STYK1: variants seen among roughly 807,000 people sequenced by gnomAD.
STYK1 encodes STY kinase 1, also known as tyrosine-protein kinase STYK1.
STYK1 carries 46 observed loss-of-function variants against 48.1 expected under a neutral mutation model. The observed-to-expected ratio is 0.96, with a 90% CI of 0.75 to 1.22. The LOEUF (loss-of-function observed/expected upper bound fraction) is 1.22, where lower values mean the gene tolerates loss of function less well. Ranked by LOEUF, STYK1 falls within the 50% of genes most tolerant of loss-of-function variation. The pLI is 0.00. For synonymous variants in STYK1, 188 were observed against 189.0 expected, an observed-to-expected ratio of 0.99 and a Z score of 0.04; for missense variants, 527 against 521.1, an observed-to-expected ratio of 1.01 and a Z score of -0.11.
intron 4 of STYK1, among the ~76,000 whole-genome samples, chr12:10,632,812 G>A (rs976655804): frequency 4.6e-5 from 7 of 152,176 alleles, no homozygotes; most frequent in Non-Finnish European, 8.8e-5. Context: ...GTTTGAGACT[G>A]AAAACACAGT....
At chr12:10,625,418 C>T (rs1947347471) in intron 7 of STYK1, among the ~76,000 whole-genome samples, 1 of 152,074 alleles carries the variant, frequency 6.6e-6, no homozygotes, top group Non-Finnish European at 1.5e-5. Context: ...GGGGTTTCAC[C>T]ATGTTAGCCA....
intron 1 of STYK1, among the ~76,000 whole-genome samples, chr12:10,654,572 G>T (rs1947697773): frequency 6.6e-6 from 1 of 152,170 alleles, no homozygotes; most frequent in African/African-American, 2.4e-5. Context: ...GGTATGTTTT[G>T]CCCAGGTAAA....
chr12:10,655,779 T>C (rs1448629919), intron 1 of STYK1, among the ~76,000 whole-genome samples: 2 of 152,094 alleles, frequency 1.3e-5, no homozygotes, highest in Non-Finnish European at 1.5e-5. Flanking sequence ...GCCAGAAAAA[T>C]GGATTGTGTG....
At chr12:10,621,500 C>A (rs1303095592) in intron 10 of STYK1, among the ~76,000 whole-genome samples, 1 of 152,176 alleles carries the variant, frequency 6.6e-6, no homozygotes, top group Non-Finnish European at 1.5e-5. Flanking sequence ...CTGTGGCTGG[C>A]AGAAGACTGA....
chr12:10,635,626 A>G (rs1227529149), intron 2 of STYK1, among the ~76,000 whole-genome samples: 1 of 152,232 alleles, frequency 6.6e-6, no homozygotes, highest in Non-Finnish European at 1.5e-5. Flanking sequence ...GTAAAATTGT[A>G]TAGCATAAAA....
intron 9 of STYK1, 60 bp downstream of exon 9, chr12:10,622,578 T>C (rs1437304772): frequency 6.2e-7 from 1 of 1,601,664 alleles, no homozygotes; most frequent in East Asian, 2.2e-5. Flanking sequence ...ATCCACCCCT[T>C]AAATAAACAC....
intron 1 of STYK1, among the ~76,000 whole-genome samples, chr12:10,651,513 T>G (rs1455173175): frequency 6.6e-6 from 1 of 152,248 alleles, no homozygotes; most frequent in Non-Finnish European, 1.5e-5. Context: ...CAATTTTACA[T>G]GATAATGCAC....
At chr12:10,662,863 T>A (rs1463392124) in intron 1 of STYK1, among the ~76,000 whole-genome samples, 2 of 152,232 alleles carry the variant, frequency 1.3e-5, no homozygotes, top group Non-Finnish European at 2.9e-5. Flanking sequence ...ATTTTGACAG[T>A]TTTGTGTTTG....
At chr12:10,670,995 A>T (rs375946848) in intron 1 of STYK1, among the ~76,000 whole-genome samples, 13 of 110,466 alleles carry the variant, frequency 1.2e-4, no homozygotes, top group East Asian at 2.7e-4. Context: ...GAATATATTG[A>T]TTTTTTTTTT....
intron 1 of STYK1, among the ~76,000 whole-genome samples, chr12:10,648,578 T>C (rs1238067028): frequency 1.3e-5 from 2 of 152,048 alleles, no homozygotes; most frequent in Non-Finnish European, 1.5e-5. Context: ...TAAAACAAGA[T>C]ACATTTTTTG....
intron 1 of STYK1, among the ~76,000 whole-genome samples, chr12:10,668,406 A>C (rs1947857231): frequency 6.7e-6 from 1 of 148,278 alleles, no homozygotes; most frequent in Non-Finnish European, 1.5e-5. Context: ...ACAGAGTTTC[A>C]CTCTTGTTGC....
At chr12:10,641,428 T>G (rs1947543829) in intron 1 of STYK1, among the ~76,000 whole-genome samples, 1 of 152,186 alleles carries the variant, frequency 6.6e-6, no homozygotes, top group Admixed American at 6.5e-5. Context: ...CCCCCATAAG[T>G]GAGGAGATCT....
chr12:10,645,163 T>C (rs113429146), intron 1 of STYK1, among the ~76,000 whole-genome samples: 6 of 152,118 alleles, frequency 3.9e-5, no homozygotes, highest in Non-Finnish European at 8.8e-5. Flanking sequence ...TAAAATCTGA[T>C]GACAGGTCAG....
At chr12:10,630,032 G>GGAGA (rs11268204) in intron 5 of STYK1, among the ~76,000 whole-genome samples, 47 of 137,332 alleles carry the variant, frequency 3.4e-4, no homozygotes, top group African/African-American at 1.3e-3. Flanking sequence ...ATCATGAAGA[G>GGAGA]GAGAGAGAGA....
At position 10,629,540 on chromosome 12, in the gene STYK1, C is replaced by T. The variant is rs1463290424; in HGVS notation, c.586G>A (p.Asp196Asn). 6.2e-7 allele frequency: 1 copy of T among 1,614,206 alleles called. No homozygotes were observed. The change falls in exon 6 of 11, where the codon GAT becomes AAT. Residue 196 changes from aspartate (D) to asparagine (N), a missense_variant. Coordinates refer to ENST00000075503, the MANE Select transcript of STYK1 (RefSeq NM_018423.3). ...EKLPLYMVLEDVAQGDLLSFL... is the reference protein window; with the variant it reads ...EKLPLYMVLENVAQGDLLSFL... Reference sequence around the variant, plus strand: ...CTGAGCAGGTCCCCCTGGGCCACATCCTCCAACACCATATAGAGTGGCAGC... The same window carrying T: ...CTGAGCAGGTCCCCCTGGGCCACATTCTCCAACACCATATAGAGTGGCAGC...
intron 6 of STYK1, among the ~76,000 whole-genome samples, chr12:10,628,041 C>T (rs1016331420): frequency 1.2e-4 from 19 of 152,208 alleles, no homozygotes; most frequent in Admixed American, 3.9e-4. Flanking sequence ...TGTGAGCACA[C>T]ATGTGTTCAT....
intron 3 of STYK1, 113 bp downstream of exon 3, chr12:10,634,454 C>T: frequency 8.3e-7 from 1 of 1,203,512 alleles, no homozygotes; most frequent in Non-Finnish European, 1.2e-6. Flanking sequence ...CTTTTATCAC[C>T]ACTGTCTTCA....
intron 6 of STYK1, among the ~76,000 whole-genome samples, chr12:10,629,006 C>A (rs1947390060): frequency 6.6e-6 from 1 of 152,112 alleles, no homozygotes; most frequent in Admixed American, 6.5e-5. Flanking sequence ...CTGTACCAAC[C>A]ATGGCCATGT....
intron 1 of STYK1, among the ~76,000 whole-genome samples, chr12:10,668,726 G>A (rs956387273): frequency 6.6e-6 from 1 of 151,852 alleles, no homozygotes; most frequent in South Asian, 2.1e-4. Context: ...GTGCACATTC[G>A]TTCCCTTCTA....
Sources: gnomAD v4.1 joint callset for allele counts (sites outside exome capture counted in the v4.1 genomes callset) on GRCh38, gnomAD v4.1.1 for gene constraint, MANE v1.5 for transcripts, NCBI Gene and HGNC (gene_info 2026-07-23, HGNC 2026-07-21) for gene names.